EFCAB7: variants seen among roughly 807,000 people sequenced by gnomAD.
EFCAB7 encodes EF-hand calcium-binding domain-containing protein 7.
EFCAB7 carries 66 observed loss-of-function variants against 77.1 expected under a neutral mutation model. The observed-to-expected ratio is 0.86, with a 90% CI of 0.70 to 1.05. The LOEUF (loss-of-function observed/expected upper bound fraction) is 1.05. EFCAB7 is among the 50% of genes least tolerant of loss of function. EFCAB7 has a pLI of 0.00. For synonymous variants in EFCAB7, 225 were observed against 243.3 expected (o/e 0.92, Z 0.70); for missense variants, 638 against 730.5 (o/e 0.87, Z 1.46).
the EFCAB7 span, among the ~76,000 whole-genome samples, chr1:63,579,777 T>C: frequency 2.0e-5 from 3 of 152,214 alleles, no homozygotes; most frequent in Middle Eastern, 3.2e-3. Context: ...GTGATTTTAG[T>C]TTGTATTTCC....
Position 63,532,065 on chromosome 1 carries a change from A to G in EFCAB7, c.399+34A>G, listed in dbSNP as rs778201535. 19 of 1,530,464 alleles carry G rather than the reference A, an allele frequency of 1.2e-5. No individual in the cohort carries two copies. The African/African-American group carries it at 1.8e-4, about 14-fold the overall frequency. 94.8% of individuals were successfully genotyped at this position (1,530,464 alleles called of 1,614,324 possible). ...TGTAAAACTGTTTTGTAATGTGCAT[A>G]TTTTCTAAAACAGCTTGGAATCTAG... On this transcript the variant is annotated intron_variant, in intron 3 of 13. Transcript: ENST00000371088.
At chr1:63,566,753 G>C (rs901574306) in intron 11 of EFCAB7, among the ~76,000 whole-genome samples, 1 of 151,052 alleles carries the variant, frequency 6.6e-6, no homozygotes, top group African/African-American at 2.4e-5. Flanking sequence ...AATAAACCCA[G>C]GTCTTCTACT....
intron 6 of EFCAB7, among the ~76,000 whole-genome samples, chr1:63,545,590 C>T (rs149502359): frequency 0.01 from 1,570 of 152,250 alleles, 8 homozygotes; most frequent in Non-Finnish European, 0.018. Flanking sequence ...CCTCAGTCTC[C>T]TGAGTAGCTG....
chr1:63,552,207 G>A (rs936517185), intron 8 of EFCAB7, among the ~76,000 whole-genome samples: 1 of 151,740 alleles, frequency 6.6e-6, no homozygotes, highest in Non-Finnish European at 1.5e-5. Flanking sequence ...CTTCAGCCTG[G>A]GCAACATAAC....
intron 12 of EFCAB7, chr1:63,569,798 T>G (rs78462243): frequency 6.6e-6 from 1 of 152,306 alleles, no homozygotes; most frequent in East Asian, 1.9e-4. Context: ...CCTAGTAGAT[T>G]GCAGTTTTCA....
chr1:63,529,110 C>G (rs1278448589), intron 2 of EFCAB7: 1 of 152,180 alleles, frequency 6.6e-6, no homozygotes, highest in Non-Finnish European at 1.5e-5. Context: ...CATTTACACA[C>G]TAGGCAAAAT....
chr1:63,584,133 A>G, the EFCAB7 span, among the ~76,000 whole-genome samples: 15 of 152,350 alleles, frequency 9.8e-5, no homozygotes, highest in Middle Eastern at 3.4e-3. Flanking sequence ...AGTCTGGCAT[A>G]AGGGTTCTGA....
Position 63,533,606 on chromosome 1 carries a change from T to C in EFCAB7, c.639T>C (p.Pro213=), listed in dbSNP as rs1646727957. The part of the protein sequence containing the change: ...RDPSPVPKPS[P]KITRKTDPET... ...CATCACCAGTACCAAAACCATCACC[T>C]AAAATCACAAGAAAAACTGATCCAG... The change falls in exon 5 of 14, where the codon CCT becomes CCC. Residue 213 remains proline (P), a synonymous_variant. Transcript: ENST00000371088. 6.3e-7 allele frequency: 1 copy of C among 1,588,874 alleles called. No individual in the cohort carries two copies. The highest frequency in any genetic ancestry group is 1.2e-5 in the South Asian group (1 of 86,382).
chr1:63,563,888 C>T (rs1018817048), intron 11 of EFCAB7, among the ~76,000 whole-genome samples: 10 of 152,046 alleles, frequency 6.6e-5, no homozygotes, highest in African/African-American at 2.4e-4. Flanking sequence ...GGCATTGCCC[C>T]TATATACTGT....
At chr1:63,538,855 G>A (rs940321499) in intron 6 of EFCAB7, among the ~76,000 whole-genome samples, 1 of 152,210 alleles carries the variant, frequency 6.6e-6, no homozygotes, top group African/African-American at 2.4e-5. Flanking sequence ...AGTTCTCCTA[G>A]TGAAGTTATT....
At chr1:63,566,110 T>G (rs147625871) in intron 11 of EFCAB7, among the ~76,000 whole-genome samples, 23 of 152,220 alleles carry the variant, frequency 1.5e-4, no homozygotes, top group African/African-American at 5.5e-4. Context: ...TGCCCATCAG[T>G]GGAAAACAGG....
chr1:63,553,276 A>G (rs941876247), intron 8 of EFCAB7, among the ~76,000 whole-genome samples: 36 of 152,226 alleles, frequency 2.4e-4, no homozygotes, highest in Admixed American at 2.3e-3. Flanking sequence ...TCCTGAGTCT[A>G]CATCTAGCCA....
downstream of EFCAB7, among the ~76,000 whole-genome samples, chr1:63,575,990 A>C (rs149617638): frequency 2.4e-3 from 360 of 152,330 alleles, 2 homozygotes; most frequent in African/African-American, 8.4e-3. Context: ...GAGCATTCAA[A>C]GTTAGCCCTG....
intron 6 of EFCAB7, among the ~76,000 whole-genome samples, chr1:63,539,614 TC>T (rs1489435692): frequency 6.6e-6 from 1 of 152,194 alleles, no homozygotes; most frequent in Admixed American, 6.5e-5. Context: ...CTATAGCTGT[TC>T]ACATATATCA....
At chr1:63,539,670 C>G (rs1053933972) in intron 6 of EFCAB7, among the ~76,000 whole-genome samples, 4 of 152,150 alleles carry the variant, frequency 2.6e-5, no homozygotes, top group African/African-American at 9.6e-5. Context: ...GAAGTCTGGA[C>G]TAGACTGCTT....
chr1:63,555,643 G>A, intron 9 of EFCAB7, 128 bp downstream of exon 9: 1 of 743,930 alleles, frequency 1.3e-6, no homozygotes, highest in Non-Finnish European at 2.1e-6. Flanking sequence ...CAACTCTTGT[G>A]AACAACCTGT....
At chr1:63,534,286 G>C in intron 6 of EFCAB7, 70 bp downstream of exon 6, 1 of 1,405,966 alleles carries the variant, frequency 7.1e-7, no homozygotes, top group South Asian at 1.3e-5. Flanking sequence ...TAATAACTGT[G>C]CAGTGTCTAC....
At chr1:63,578,035 A>C in the EFCAB7 span, among the ~76,000 whole-genome samples, 1 of 152,216 alleles carries the variant, frequency 6.6e-6, no homozygotes, top group Non-Finnish European at 1.5e-5. Context: ...TAAAATACTA[A>C]GTAGTACTAC....
intron 10 of EFCAB7, among the ~76,000 whole-genome samples, chr1:63,560,087 G>C (rs1428471055): frequency 6.6e-6 from 1 of 151,956 alleles, no homozygotes; most frequent in African/African-American, 2.4e-5. Flanking sequence ...CGAGTAGCTG[G>C]GACTACAGGT....
Sources: allele counts gnomAD v4.1 joint callset (sites outside exome capture counted in the v4.1 genomes callset), GRCh38; gene constraint gnomAD v4.1.1; transcripts MANE v1.5; gene names NCBI Gene and HGNC (gene_info 2026-07-23, HGNC 2026-07-21).